Variants in CCDC80 observed in about 807,000 individuals in gnomAD.
CCDC80 encodes the protein coiled-coil domain containing 80.
Under a neutral mutation model 78.7 loss-of-function variants are expected in CCDC80, and 49 were observed. That is an observed-to-expected ratio of 0.62 (90% confidence interval 0.50 to 0.79). CCDC80 has a LOEUF of 0.79. Among genes scored for constraint, CCDC80 ranks in the 30% least tolerant of loss-of-function variants. CCDC80 has a pLI of 0.00. For synonymous variants in CCDC80, 488 were observed against 447.0 expected (o/e 1.09, Z -1.16); for missense variants, 1,205 against 1,198.6 (o/e 1.01, Z -0.08).
At chr3:112,606,124 T>G (rs1481359302) in intron 7 of CCDC80, among the ~76,000 whole-genome samples, 1 of 152,276 alleles carries the variant, frequency 6.6e-6, no homozygotes, top group Non-Finnish European at 1.5e-5. Flanking sequence ...GCTTAGTTAC[T>G]TCTCTGTAAC....
At position 112,618,961 on chromosome 3, in the gene CCDC80, A is replaced by C. The variant is rs893889481; in HGVS notation, c.2172+7T>G. The C allele has an allele frequency of 6.2e-7, 1 of 1,613,408 alleles. No homozygotes were observed. Among genetic ancestry groups the C allele is most frequent in the African/African-American group, 1.3e-5 (1 of 74,912 alleles). On this transcript the variant is annotated splice_region_variant and intron_variant, in intron 4 of 7. Coordinates refer to ENST00000206423, the MANE Select transcript of CCDC80 (RefSeq NM_199511.3). ...AGTACTACATTATTCAGAATAAGAAACTGTACCTTGACTCTCAGATCCACA... is the reference window on the plus strand; with the variant it reads ...AGTACTACATTATTCAGAATAAGAACCTGTACCTTGACTCTCAGATCCACA...
chr3:112,617,354 A>G (rs1055270583), intron 4 of CCDC80, among the ~76,000 whole-genome samples: 2 of 152,178 alleles, frequency 1.3e-5, no homozygotes, highest in African/African-American at 4.8e-5. Flanking sequence ...ATTTTTGTTC[A>G]CCTATTCTCA....
chr3:112,610,915 C>CTTTTTT (rs11379147), intron 5 of CCDC80, among the ~76,000 whole-genome samples: 20 of 123,280 alleles, frequency 1.6e-4, no homozygotes, highest in South Asian at 7.9e-4. Flanking sequence ...TTCTTTCTTT[C>CTTTTTT]TTTTTTTTTT....
At chr3:112,621,133 C>T (rs1377635334) in intron 3 of CCDC80, among the ~76,000 whole-genome samples, 1 of 152,188 alleles carries the variant, frequency 6.6e-6, no homozygotes, top group Middle Eastern at 3.2e-3. Context: ...GTAACTACAG[C>T]TTCTTCCTAT....
At chr3:112,634,024 A>C (rs1407582627) in intron 2 of CCDC80, among the ~76,000 whole-genome samples, 5 of 152,148 alleles carry the variant, frequency 3.3e-5, no homozygotes, top group African/African-American at 7.2e-5. Flanking sequence ...GCCTCAGAGG[A>C]TAAGGAAGCC....
intron 5 of CCDC80, among the ~76,000 whole-genome samples, chr3:112,611,196 A>G (rs886190432): frequency 6.6e-6 from 1 of 152,166 alleles, no homozygotes; most frequent in African/African-American, 2.4e-5. Flanking sequence ...TACAGGCGTG[A>G]GCCACTGCGC....
chr3:112,632,585 C>T (rs1170372278), intron 2 of CCDC80, among the ~76,000 whole-genome samples: 2 of 152,132 alleles, frequency 1.3e-5, no homozygotes, highest in Non-Finnish European at 2.9e-5. Flanking sequence ...AGTCTTCTCC[C>T]CCTTGTGTAT....
chr3:112,607,370 G>A lies in CCDC80; in HGVS notation c.2426-114C>T, dbSNP rs551150256. 4.0e-5 allele frequency: 26 copies of A among 657,326 alleles called. 1 individual carries two copies. Among genetic ancestry groups the A allele is most frequent in the African/African-American group, 3.7e-4 (20 of 53,818 alleles). The allele number at this position is 657,326 out of a possible 1,614,324, so 40.7% of individuals were successfully genotyped here. ...CTCTTAAATTTAAAAAGAATATAGA[G>A]CATAACCCGATTGAGAAGAATAATC... On this transcript the variant is annotated intron_variant, in intron 6 of 7. Transcript: ENST00000206423.
intron 5 of CCDC80, among the ~76,000 whole-genome samples, chr3:112,616,449 GA>G (rs59366104): frequency 0.37 from 49,572 of 133,410 alleles, 9,002 homozygotes; most frequent in Middle Eastern, 0.56. Context: ...AAAAAGAAAA[GA>G]AAAAAAAAAA....
intron 2 of CCDC80, among the ~76,000 whole-genome samples, chr3:112,630,999 C>G (rs542943808): frequency 6.6e-6 from 1 of 151,868 alleles, no homozygotes; most frequent in African/African-American, 2.4e-5. Flanking sequence ...CATCCTATGA[C>G]CCCTGTCTTC....
intron 5 of CCDC80, among the ~76,000 whole-genome samples, chr3:112,615,041 T>C (rs557709014): frequency 5.3e-5 from 8 of 152,308 alleles, no homozygotes; most frequent in Admixed American, 2.0e-4. Flanking sequence ...GAAATGGAGA[T>C]GGATGGAGAT....
At chr3:112,622,390 G>A (rs1224594017) in intron 3 of CCDC80, among the ~76,000 whole-genome samples, 1 of 152,192 alleles carries the variant, frequency 6.6e-6, no homozygotes, top group African/African-American at 2.4e-5. Flanking sequence ...TCAGACTAGG[G>A]TGGTGGCAAC....
chr3:112,638,180 T>C lies in CCDC80; in HGVS notation c.1726A>G (p.Ser576Gly). The change falls in exon 2 of 8, where the codon AGC (serine) becomes GGC (glycine). Residue 576 changes from serine (S) to glycine (G), a missense_variant. Coordinates refer to ENST00000206423, the MANE Select transcript of CCDC80 (RefSeq NM_199511.3). ...EKQMKKSEKK[S>G]KQEKEKSKKK... ...TTGCTCTTCTCTTTCTCTTGCTTGC[T>C]CTTTTTCTCAGACTTCTTCATTTGC... The C allele has an allele frequency of 6.2e-7, 1 of 1,613,736 alleles. No homozygotes were observed. The highest frequency in any genetic ancestry group is 1.1e-5 in the South Asian group (1 of 91,064).
rs773474180 is a variant in CCDC80 at position 112,638,414 on chromosome 3, G to T, written c.1492C>A (p.Gln498Lys). 6.2e-7 allele frequency: 1 copy of T among 1,613,570 alleles called. No homozygotes were observed. Among genetic ancestry groups the T allele is most frequent in the Admixed American group, 1.7e-5 (1 of 59,966 alleles). Residue 498 changes from glutamine (Q) to lysine (K), a missense_variant, in exon 2 of 8, where the codon CAG becomes AAG. Transcript: ENST00000206423. The part of the protein sequence containing the change: ...AKEKPPKKKA[Q>K]DKILSNEYEE... Reference sequence around the variant, plus strand: ...TACTCATTACTAAGAATTTTGTCCTGGGCCTTCTTTTTGGGAGGTTTCTCC... The same window carrying T: ...TACTCATTACTAAGAATTTTGTCCTTGGCCTTCTTTTTGGGAGGTTTCTCC...
chr3:112,619,312 T>G (rs935299147), intron 3 of CCDC80, among the ~76,000 whole-genome samples: 11 of 152,218 alleles, frequency 7.2e-5, no homozygotes, highest in African/African-American at 2.7e-4. Flanking sequence ...TACTCTTCTA[T>G]AGATGATCAA....
At chr3:112,611,791 G>A (rs1486280965) in intron 5 of CCDC80, among the ~76,000 whole-genome samples, 6 of 152,166 alleles carry the variant, frequency 3.9e-5, no homozygotes, top group Admixed American at 6.5e-5. Context: ...GCAGGTGACC[G>A]CAGGGTGTTG....
chr3:112,639,844 G>T lies in CCDC80; in HGVS notation c.62C>A (p.Ser21Ter), dbSNP rs1279896418. 1 of 1,614,178 alleles carries T rather than the reference G, an allele frequency of 6.2e-7. No homozygotes were observed. Among genetic ancestry groups the T allele is most frequent in the Non-Finnish European group, 8.5e-7 (1 of 1,180,042 alleles). The part of the protein sequence containing the change: ...MLLAMWLVCG[S>*]EPHPHATIRG... ...AATAGTGGCATGGGGGTGGGGTTCT[G>T]ATCCACACACTAGCCACATGGCCAA... Residue 21 changes from serine to a stop codon, truncating the protein, a stop_gained, in exon 2 of 8, where the codon TCA becomes TAA. Coordinates refer to ENST00000206423, the MANE Select transcript of CCDC80 (RefSeq NM_199511.3). LOFTEE classifies it high-confidence loss of function.
chr3:112,611,118 T>C (rs1369972846), intron 5 of CCDC80, among the ~76,000 whole-genome samples: 1 of 152,100 alleles, frequency 6.6e-6, no homozygotes, highest in Non-Finnish European at 1.5e-5. Context: ...TTTCACTGTG[T>C]TAGCCAGGAT....
At chr3:112,606,145 C>G (rs952220343) in intron 7 of CCDC80, among the ~76,000 whole-genome samples, 3 of 152,110 alleles carry the variant, frequency 2.0e-5, no homozygotes, top group African/African-American at 7.2e-5. Flanking sequence ...TACAGCTTAC[C>G]TTTTGACACA....
Sources: allele counts gnomAD v4.1 joint callset (sites outside exome capture counted in the v4.1 genomes callset), GRCh38; gene constraint gnomAD v4.1.1; transcripts MANE v1.5; gene names NCBI Gene and HGNC (gene_info 2026-07-23, HGNC 2026-07-21).